RALYL: variants seen among roughly 807,000 people sequenced by gnomAD.
RALYL encodes RNA-binding Raly-like protein.
RALYL carries 29 observed loss-of-function variants against 35.1 expected under a neutral mutation model. That is an observed-to-expected ratio of 0.83 (90% CI 0.61 to 1.13). The LOEUF (loss-of-function observed/expected upper bound fraction) is 1.13, where lower values mean the gene tolerates loss of function less well. Ranked by LOEUF, RALYL falls within the 50% of genes most tolerant of loss-of-function variation. The pLI is 0.00. For synonymous variants in RALYL, 120 were observed against 127.6 expected, an observed-to-expected ratio of 0.94 and a Z score of 0.40; for missense variants, 359 against 360.4, an observed-to-expected ratio of 1.00 and a Z score of 0.03.
intron 4 of RALYL, among the ~76,000 whole-genome samples, chr8:84,813,906 C>A (rs559816776): frequency 7.8e-6 from 1 of 128,984 alleles, no homozygotes; most frequent in South Asian, 3.1e-4. Flanking sequence ...CCCCTCCCCC[C>A]ACCCCACGAC....
At chr8:84,875,224 T>G (rs1286130852) in intron 7 of RALYL, among the ~76,000 whole-genome samples, 2 of 152,124 alleles carry the variant, frequency 1.3e-5, no homozygotes, top group Non-Finnish European at 2.9e-5. Flanking sequence ...AAATTCATTA[T>G]TATGTAAAAC....
intron 1 of RALYL, among the ~76,000 whole-genome samples, chr8:84,451,645 T>C (rs1347586361): frequency 1.3e-5 from 2 of 151,964 alleles, no homozygotes; most frequent in Non-Finnish European, 2.9e-5. Context: ...ACTAGATAAT[T>C]TTCACAATGA....
intron 1 of RALYL, among the ~76,000 whole-genome samples, chr8:84,442,091 A>C (rs2048386417): frequency 6.6e-6 from 1 of 152,162 alleles, no homozygotes; most frequent in Admixed American, 6.5e-5. Flanking sequence ...CAACAAAGGC[A>C]AAAAGAAAGA....
intron 8 of RALYL, among the ~76,000 whole-genome samples, chr8:84,899,063 A>C (rs1202692023): frequency 1.3e-5 from 2 of 152,144 alleles, no homozygotes; most frequent in East Asian, 3.9e-4. Context: ...GGGTTACCTG[A>C]TGATTTTGAC....
intron 1 of RALYL, among the ~76,000 whole-genome samples, chr8:84,459,678 C>T (rs976329750): frequency 6.6e-6 from 1 of 151,716 alleles, no homozygotes; most frequent in Admixed American, 6.6e-5. Context: ...GTTTTGATGG[C>T]TTCTATTTTC....
rs1006237332 is a variant in RALYL, at chr8:84,640,609, C to A, written c.256+111032C>A. On this transcript the variant is annotated intron_variant, in intron 2 of 8. Transcript: ENST00000521268. ...TGGAGGAAAACATTGCTTTTCTAGA[C>A]CCTCGAGATAAAATGTTTTCACATC... Among the ~76,000 whole-genome samples the A allele has an allele frequency of 3.3e-5, 5 of 151,778 alleles. No individual in the cohort carries two copies. The South Asian group carries it at 8.3e-4, about 25-fold the overall frequency.
At chr8:84,463,804 C>A (rs1161748312) in intron 1 of RALYL, among the ~76,000 whole-genome samples, 2 of 151,942 alleles carry the variant, frequency 1.3e-5, no homozygotes, top group African/African-American at 4.8e-5. Flanking sequence ...TTTTAGTGTA[C>A]CATTCTATTG....
chr8:84,390,327 A>G (rs560096268), intron 1 of RALYL, among the ~76,000 whole-genome samples: 1 of 151,998 alleles, frequency 6.6e-6, no homozygotes, highest in Non-Finnish European at 1.5e-5. Flanking sequence ...TCTCTGCCTG[A>G]CTTTGGTATC....
chr8:84,494,993 C>A (rs918692818), intron 1 of RALYL, among the ~76,000 whole-genome samples: 1 of 152,092 alleles, frequency 6.6e-6, no homozygotes, highest in Non-Finnish European at 1.5e-5. Context: ...AAAGGGAATG[C>A]TTTCAGCTTT....
At chr8:84,373,356 T>C (rs1278078490) in intron 1 of RALYL, among the ~76,000 whole-genome samples, 2 of 152,054 alleles carry the variant, frequency 1.3e-5, no homozygotes, top group Non-Finnish European at 2.9e-5. Context: ...TTTCAGGTTT[T>C]ACATTTAAAT....
intron 1 of RALYL, among the ~76,000 whole-genome samples, chr8:84,463,402 G>T (rs768500101): frequency 2.0e-5 from 3 of 152,042 alleles, no homozygotes. Context: ...TTGCCTGTTG[G>T]TCATATTCAA....
chr8:84,648,135 C>T (rs555094879), intron 2 of RALYL, among the ~76,000 whole-genome samples: 29 of 152,144 alleles, frequency 1.9e-4, no homozygotes, highest in African/African-American at 5.3e-4. Flanking sequence ...CACACACACA[C>T]GACATTGCCG....
chr8:84,832,707 C>G lies in RALYL; in HGVS notation c.366-17273C>G, dbSNP rs140100728. On this transcript the variant is annotated intron_variant, in intron 4 of 8. Coordinates refer to ENST00000521268, the MANE Select transcript of RALYL (RefSeq NM_173848.7). ...TTTTAATGAAATTATGAAACTTTAACTTGAAAAATATCCCAGAACTATATA... is the reference window on the plus strand; with the variant it reads ...TTTTAATGAAATTATGAAACTTTAAGTTGAAAAATATCCCAGAACTATATA... Among the ~76,000 whole-genome samples the G allele has an allele frequency of 1.4e-4, 22 of 152,118 alleles. No individual in the cohort carries two copies. The East Asian group carries it at 1.9e-3, about 13-fold the overall frequency.
chr8:84,342,393 T>C (rs2130911112), intron 1 of RALYL, among the ~76,000 whole-genome samples: 2 of 147,740 alleles, frequency 1.4e-5, no homozygotes, highest in South Asian at 4.3e-4. Context: ...CAGTCCACCA[T>C]AGGGCCAAAT....
At chr8:84,310,311 T>A (rs533500721) in intron 1 of RALYL, among the ~76,000 whole-genome samples, 33 of 152,096 alleles carry the variant, frequency 2.2e-4, no homozygotes, top group African/African-American at 7.7e-4. Flanking sequence ...AGTGCTGGGA[T>A]TACAGGCATG....
intron 4 of RALYL, among the ~76,000 whole-genome samples, chr8:84,805,829 G>C (rs1232595241): frequency 1.3e-5 from 2 of 152,168 alleles, no homozygotes; most frequent in Admixed American, 6.5e-5. Context: ...ATATTAAAGT[G>C]TATTATGAAA....
In RALYL at chr8:84,478,922, T is replaced by TAAAAAAAAAAAAAAAAAAAAAAAAAAAAA. The variant is rs1587656659; in HGVS notation, c.-23-50372_-23-50371insAAAAAAAAAAAAAAAAAAAAAAAAAAAAA. On this transcript the variant is annotated intron_variant, in intron 1 of 8. Transcript: ENST00000521268. Reference sequence around the variant, plus strand: ...TAACACCGTGAAACCCCGTCTCTACTAAAAATACAAAACATTAGCCGGGCA... The same window carrying TAAAAAAAAAAAAAAAAAAAAAAAAAAAAA: ...TAACACCGTGAAACCCCGTCTCTACTAAAAAAAAAAAAAAAAAAAAAAAAAAAAAAAAAATACAAAACATTAGCCGGGCA... 2.9e-3 allele frequency among the ~76,000 whole-genome samples: 246 copies of TAAAAAAAAAAAAAAAAAAAAAAAAAAAAA among 85,226 alleles called. 40 individuals carry two copies. Among genetic ancestry groups the TAAAAAAAAAAAAAAAAAAAAAAAAAAAAA allele is most frequent in the East Asian group, 8.5e-3 (20 of 2,346 alleles). 55.9% of individuals were successfully genotyped at this position (85,226 alleles called of 152,430 possible). A position where few individuals can be genotyped will look rare whatever the true frequency, so the allele number is the denominator to read the frequency against.
intron 1 of RALYL, among the ~76,000 whole-genome samples, chr8:84,290,050 C>G (rs1374477975): frequency 1.3e-5 from 2 of 152,202 alleles, no homozygotes; most frequent in Non-Finnish European, 2.9e-5. Context: ...ATATTAGACG[C>G]TGATACCACT....
chr8:84,368,179 C>T (rs1430579559), intron 1 of RALYL, among the ~76,000 whole-genome samples: 1 of 152,064 alleles, frequency 6.6e-6, no homozygotes, highest in Non-Finnish European at 1.5e-5. Context: ...ATATAAGAAA[C>T]ATAAAAAGTA....
Sources: gnomAD v4.1 joint callset for allele counts (sites outside exome capture counted in the v4.1 genomes callset) on GRCh38, gnomAD v4.1.1 for gene constraint, MANE v1.5 for transcripts, NCBI Gene and HGNC (gene_info 2026-07-23, HGNC 2026-07-21) for gene names.